Variants in ANXA11 observed in about 807,000 individuals in gnomAD.
ANXA11 encodes the protein 56 kDa autoantigen.
ANXA11 carries 57 observed loss-of-function variants against 64.7 expected under a neutral mutation model. That is an observed-to-expected ratio of 0.88 (90% CI 0.71 to 1.10). The LOEUF is 1.10. Among genes scored for constraint, ANXA11 ranks in the 50% least tolerant of loss-of-function variants. The probability of loss-of-function intolerance (pLI) is 0.00; values close to 1 mark genes in which losing one functional copy is unlikely to be tolerated. For missense variants in ANXA11, 675 were observed against 670.7 expected, an observed-to-expected ratio of 1.01 and a Z score of -0.07; for synonymous variants, 260 against 265.2, an observed-to-expected ratio of 0.98 and a Z score of 0.19.
At position 80,170,897 on chromosome 10, in the gene ANXA11, C is replaced by T. The variant is rs770526320; in HGVS notation, c.74G>A (p.Gly25Asp). 24 of 1,580,326 alleles carry T rather than the reference C, an allele frequency of 1.5e-5. No individual in the cohort carries two copies. The Middle Eastern group carries it at 6.7e-4, about 44-fold the overall frequency. The change falls in exon 4 of 16, where the codon GGT becomes GAT. Residue 25 changes from glycine (G) to aspartate (D), a missense_variant. Transcript: ENST00000422982. ...GCTGGGCGGAGGAGGGTAGGCAGCA[C>T]CTCCCCAGGGACCACCACCTGAAAG... The part of the protein sequence containing the change: ...PAAPGGGPWG[G>D]AAYPPPPSMP...
At chr10:80,157,058 C>T (rs766392439) in intron 15 of ANXA11, 29 of 984,786 alleles carry the variant, frequency 2.9e-5, no homozygotes, top group Non-Finnish European at 3.5e-5. Context: ...AGACACTTGA[C>T]CTGCACTGCC....
Position 80,166,226 on chromosome 10 carries a change from CA to C in ANXA11, c.745-30del, listed in dbSNP as rs61537094. The C allele has an allele frequency of 0.17, 170,667 of 998,802 alleles. 6,275 individuals are homozygous for C. The highest frequency in any genetic ancestry group is 0.28 in the Admixed American group (11,326 of 41,184). The allele number at this position is 998,802 out of a possible 1,614,324, so 61.9% of individuals were successfully genotyped here. On this transcript the variant is annotated intron_variant, in intron 7 of 15. Coordinates refer to ENST00000422982, the MANE Select transcript of ANXA11 (RefSeq NM_145868.2). ...ATTGGATATTCAAACAAACAACCAA[CA>C]AAAAAAAAAACAAGTCTATTTAAAA...
chr10:80,202,752 G>C (rs1840486430), intron 1 of ANXA11, among the ~76,000 whole-genome samples: 1 of 152,120 alleles, frequency 6.6e-6, no homozygotes, highest in Non-Finnish European at 1.5e-5. Flanking sequence ...CAGTGGCTAA[G>C]AAGAGAGAGG....
At chr10:80,165,000 C>A (rs1321067613) in intron 8 of ANXA11, among the ~76,000 whole-genome samples, 1 of 152,230 alleles carries the variant, frequency 6.6e-6, no homozygotes, top group Non-Finnish European at 1.5e-5. Flanking sequence ...TGCTCAAGGA[C>A]ACACAGCTGG....
Position 80,157,771 on chromosome 10 carries a change from G to A in ANXA11, c.1336-8C>T. On this transcript the variant is annotated splice_polypyrimidine_tract_variant and splice_region_variant and intron_variant, in intron 14 of 15. Coordinates refer to ENST00000422982, the MANE Select transcript of ANXA11 (RefSeq NM_145868.2). ...GTCCTTTGTTCCTGCCCCCTAAAGA[G>A]AGTCCACCCAAGAGCATGAGCACCA... The A allele has an allele frequency of 6.2e-6, 10 of 1,611,826 alleles. No individual in the cohort carries two copies. Among genetic ancestry groups the A allele is most frequent in the Admixed American group, 5.0e-5 (3 of 59,880 alleles).
chr10:80,168,961 ACACT>A lies in ANXA11; in HGVS notation c.561+4_561+7del. 1 of 1,519,078 alleles carries A rather than the reference ACACT, an allele frequency of 6.6e-7. No homozygotes were observed. The highest frequency in any genetic ancestry group is 8.8e-7 in the Non-Finnish European group (1 of 1,138,550). 94.1% of individuals were successfully genotyped at this position (1,519,078 alleles called of 1,614,324 possible). ...CTGGACCAAGGGAGGCAGTGGGCTG[ACACT>A]CACCTGGGTTGGGGGCACAGCGGGG... On this transcript the variant is annotated splice_donor_5th_base_variant and intron_variant, in intron 5 of 15. Coordinates refer to ENST00000422982, the MANE Select transcript of ANXA11 (RefSeq NM_145868.2).
At chr10:80,180,667 A>C (rs1846322315) in intron 1 of ANXA11, among the ~76,000 whole-genome samples, 1 of 150,548 alleles carries the variant, frequency 6.6e-6, no homozygotes, top group Admixed American at 6.6e-5. Context: ...TTAACATTAG[A>C]TCCTTAACCT....
intron 1 of ANXA11, among the ~76,000 whole-genome samples, chr10:80,193,343 T>C (rs114436893): frequency 1.6e-3 from 243 of 152,296 alleles, no homozygotes; most frequent in African/African-American, 5.5e-3. Flanking sequence ...TTAAAAATAG[T>C]TAAAAATGAT....
chr10:80,200,474 A>G (rs1383940513), intron 1 of ANXA11, among the ~76,000 whole-genome samples: 1 of 152,240 alleles, frequency 6.6e-6, no homozygotes, highest in Non-Finnish European at 1.5e-5. Flanking sequence ...TAGGAAGATC[A>G]GCTTGATAAG....
rs1253584390 is a variant in ANXA11 at position 80,166,040 on chromosome 10, GCGCACACACA to G, written c.858+34_858+43del. On this transcript the variant is annotated intron_variant, in intron 8 of 15. Coordinates refer to ENST00000422982, the MANE Select transcript of ANXA11 (RefSeq NM_145868.2). ...CGCATGCGCGCGTGCGCACACACGC[GCGCACACACA>G]CACACACACACACACACACACACAC... is the stretch of plus-strand genomic sequence containing the variant. The G allele has an allele frequency of 0.017, 17,840 of 1,068,256 alleles. 287 individuals are homozygous for G. The highest frequency in any genetic ancestry group is 0.091 in the East Asian group (3,626 of 39,966). 66.2% of individuals were successfully genotyped at this position (1,068,256 alleles called of 1,614,324 possible).
chr10:80,174,299 C>A (rs886292655), intron 2 of ANXA11, among the ~76,000 whole-genome samples: 1 of 152,032 alleles, frequency 6.6e-6, no homozygotes, highest in Non-Finnish European at 1.5e-5. Flanking sequence ...TTTTTTGAGA[C>A]AGGGTCTCAC....
rs1417848697 is a variant in ANXA11 at position 80,159,174 on chromosome 10, A to G, written c.1202T>C (p.Met401Thr). 6 of 1,613,930 alleles carry G rather than the reference A, an allele frequency of 3.7e-6. No homozygotes were observed. Among genetic ancestry groups the G allele is most frequent in the Non-Finnish European group, 5.1e-6 (6 of 1,179,978 alleles). ...LVAVFNEYQR[M>T]TGRDIEKSIC... ...GCTCTTCTCAATGTCCCGGCCTGTC[A>G]TTCTCTGGTACTCATTGAAAACTAT... The change falls in exon 13 of 16, where the codon ATG (methionine) becomes ACG (threonine). Residue 401 changes from methionine to threonine, a missense_variant. By Grantham distance (81) the Met-to-Thr change is moderately conservative. Coordinates refer to ENST00000422982, the MANE Select transcript of ANXA11 (RefSeq NM_145868.2).
intron 3 of ANXA11, chr10:80,171,276 G>T: frequency 9.0e-7 from 1 of 1,108,286 alleles, no homozygotes; most frequent in Non-Finnish European, 1.1e-6. Context: ...ACCATGCTGA[G>T]CCCATGACAG....
Position 80,155,855 on chromosome 10 carries a change from A to G in ANXA11, c.1516T>C (p.Ter506ArgextTer41). Reference protein sequence around the residue: ...ILLKICGGND* With the variant: ...ILLKICGGNDR The stretch of plus-strand genomic sequence containing the variant: ...AGAAGTGAGCCACCAGTCACTGTTC[A>G]GTCATTGCCACCACAGATCTTCAGC... The change falls in exon 16 of 16, where the codon TGA becomes CGA. Residue 506 changes from the stop codon to arginine, a stop_lost. Coordinates refer to ENST00000422982, the MANE Select transcript of ANXA11 (RefSeq NM_145868.2). The G allele has an allele frequency of 1.2e-6, 2 of 1,614,208 alleles. No homozygotes were observed. Among genetic ancestry groups the G allele is most frequent in the African/African-American group, 1.3e-5 (1 of 75,062 alleles).
At chr10:80,179,196 C>G (rs1314367632) in intron 1 of ANXA11, among the ~76,000 whole-genome samples, 1 of 152,118 alleles carries the variant, frequency 6.6e-6, no homozygotes, top group East Asian at 1.9e-4. Context: ...TGTAGCGCCT[C>G]CTCCCCACAC....
rs372441196 is a variant in ANXA11 at position 80,170,806 on chromosome 10, C to T, written c.165G>A (p.Ser55=). ...YAGQFNQDYL[S]GMAANMSGTF... ...GCAGGAGAGCTGGACTCACCATTCC[C>T]GAGAGATAGTCCTGGTTGAACTGCC... Residue 55 remains serine (S), a synonymous_variant, in exon 4 of 16, where the codon TCG becomes TCA. Transcript: ENST00000422982. 17 of 1,482,640 alleles carry T rather than the reference C, an allele frequency of 1.1e-5. No homozygotes were observed. Among genetic ancestry groups the T allele is most frequent in the Non-Finnish European group, 1.4e-5 (16 of 1,115,636 alleles). The allele number at this position is 1,482,640 out of a possible 1,614,324, so 91.8% of individuals were successfully genotyped here.
In ANXA11 at chr10:80,155,391, G is replaced by A. The variant is rs893354555; in HGVS notation, c.*462C>T. 3.2e-5 allele frequency: 5 copies of A among 156,792 alleles called. No homozygotes were observed. The highest frequency in any genetic ancestry group is 1.2e-4 in the African/African-American group (5 of 41,492). The allele number at this position is 156,792 out of a possible 1,614,324, so 9.7% of individuals were successfully genotyped here. A position where few individuals can be genotyped will look rare whatever the true frequency, so the allele number is the denominator to read the frequency against. ...ATGCACAGGCTACCTTCTCAGGCAC[G>A]CCTCCCTTTCTCTCCTCAGCGAGGA... On this transcript the variant is annotated 3_prime_UTR_variant, in exon 16 of 16. Coordinates refer to ENST00000422982, the MANE Select transcript of ANXA11 (RefSeq NM_145868.2).
chr10:80,181,042 A>G (rs866458867), intron 1 of ANXA11: 2 of 152,374 alleles, frequency 1.3e-5, no homozygotes, highest in Admixed American at 6.5e-5. Context: ...CAAATAAGCT[A>G]CTATTGCTTA....
chr10:80,172,009 TG>T (rs1223656860), intron 3 of ANXA11: 1 of 789,124 alleles, frequency 1.3e-6, no homozygotes, highest in African/African-American at 1.9e-5. Flanking sequence ...GTAAATGGCC[TG>T]CAGGTCTGGG....
Sources: gnomAD v4.1 joint callset for allele counts (sites outside exome capture counted in the v4.1 genomes callset) on GRCh38, gnomAD v4.1.1 for gene constraint, MANE v1.5 for transcripts, NCBI Gene and HGNC (gene_info 2026-07-23, HGNC 2026-07-21) for gene names.